Variants in CSMD1 observed in about 807,000 individuals in gnomAD.
The protein encoded by CSMD1 is CUB and Sushi multiple domains 1.
In CSMD1, 213 loss-of-function variants were observed where a neutral mutation model predicts 417.5. That is an observed-to-expected ratio of 0.51 (90% CI 0.46 to 0.57). The LOEUF is 0.57. CSMD1 is among the 20% of genes least tolerant of loss of function. The pLI is 0.00. For missense variants in CSMD1, 6,923 were observed against 4,529.7 expected, an observed-to-expected ratio of 1.53 and a Z score of -15.17; for synonymous variants, 2,862 against 1,736.8, an observed-to-expected ratio of 1.65 and a Z score of -16.11.
intron 5 of CSMD1, among the ~76,000 whole-genome samples, chr8:3,829,145 T>C (rs1802227683): frequency 6.6e-6 from 1 of 152,160 alleles, no homozygotes; most frequent in Non-Finnish European, 1.5e-5. Flanking sequence ...CAGTGTACAC[T>C]GCACTCTATT....
At chr8:3,030,933 G>C (rs1026515387) in intron 50 of CSMD1, among the ~76,000 whole-genome samples, 18 of 151,950 alleles carry the variant, frequency 1.2e-4, no homozygotes, top group Non-Finnish European at 2.6e-4. Context: ...CATCACAACA[G>C]TAACAATGAA....
At chr8:3,131,508 A>G (rs1373879852) in intron 41 of CSMD1, among the ~76,000 whole-genome samples, 1 of 142,948 alleles carries the variant, frequency 7.0e-6, no homozygotes, top group Non-Finnish European at 1.5e-5. Context: ...GTCTCACTCT[A>G]TTGCTCAGGC....
rs531850358 is a variant in CSMD1 at position 4,325,849 on chromosome 8, C to A, written c.415+94104G>T. Among the ~76,000 whole-genome samples, 10 of 152,200 alleles carry A rather than the reference C, an allele frequency of 6.6e-5. No individual in the cohort carries two copies. In the South Asian group the frequency reaches 1.9e-3, roughly 28 times the overall value. On this transcript the variant is annotated intron_variant, in intron 3 of 69. Coordinates refer to ENST00000635120, the MANE Select transcript of CSMD1 (RefSeq NM_033225.6). ...TGTAGATTAACAAAAGCTTATTCCA[C>A]CTGATGGCTGGAATTGAGAGTTCCG... is the stretch of plus-strand genomic sequence containing the variant.
intron 1 of CSMD1, among the ~76,000 whole-genome samples, chr8:4,878,216 G>C (rs1454554714): frequency 6.6e-6 from 1 of 151,952 alleles, no homozygotes. Flanking sequence ...AAAAGATAAG[G>C]TGAGAAAAGA....
intron 3 of CSMD1, among the ~76,000 whole-genome samples, chr8:4,216,077 CTA>C (rs1800650660): frequency 6.6e-6 from 1 of 152,200 alleles, no homozygotes; most frequent in African/African-American, 2.4e-5. Context: ...AGGGAGGTCA[CTA>C]TGCTATTTCT....
chr8:4,047,015 T>A (rs533534142), intron 3 of CSMD1, among the ~76,000 whole-genome samples: 4 of 152,280 alleles, frequency 2.6e-5, no homozygotes, highest in East Asian at 3.9e-4. Context: ...CTTAGCCCTA[T>A]AGGGTTGTGA....
At chr8:4,270,305 A>G (rs185556522) in intron 3 of CSMD1, among the ~76,000 whole-genome samples, 1 of 152,064 alleles carries the variant, frequency 6.6e-6, no homozygotes, top group Non-Finnish European at 1.5e-5. Flanking sequence ...CCCAGTCTTT[A>G]TACTGGTTTT....
chr8:3,738,432 C>G (rs560744591), intron 6 of CSMD1, among the ~76,000 whole-genome samples: 1 of 152,182 alleles, frequency 6.6e-6, no homozygotes, highest in Middle Eastern at 3.2e-3. Flanking sequence ...TTATTTATTT[C>G]AATTTTGGGG....
At chr8:3,490,565 C>T (rs181254631) in intron 11 of CSMD1, among the ~76,000 whole-genome samples, 3 of 152,214 alleles carry the variant, frequency 2.0e-5, no homozygotes, top group South Asian at 4.2e-4. Flanking sequence ...GGAGTGTTTG[C>T]ATGCATTATT....
At chr8:4,055,823 G>C (rs561906217) in intron 3 of CSMD1, among the ~76,000 whole-genome samples, 3 of 151,056 alleles carry the variant, frequency 2.0e-5, no homozygotes, top group African/African-American at 7.4e-5. Flanking sequence ...CAGAAGTGTT[G>C]ATTTTACAGT....
At chr8:4,465,943 A>C (rs1800141097) in intron 2 of CSMD1, among the ~76,000 whole-genome samples, 1 of 152,190 alleles carries the variant, frequency 6.6e-6, no homozygotes, top group African/African-American at 2.4e-5. Flanking sequence ...TAGAGAAATT[A>C]TGTGCTTCCA....
rs138615511 is a variant in CSMD1 at position 3,640,223 on chromosome 8, A to C, written c.1010-23426T>G. On this transcript the variant is annotated intron_variant, in intron 7 of 69. Transcript: ENST00000635120. ...CATGTGGGGAGGCATCAATGTGCTGAGAATTGATTAAATAAATAAATAAAG... is the reference window on the plus strand; with the variant it reads ...CATGTGGGGAGGCATCAATGTGCTGCGAATTGATTAAATAAATAAATAAAG... Among the ~76,000 whole-genome samples the C allele has an allele frequency of 2.5e-3, 378 of 152,342 alleles. 2 individuals carry two copies. Among genetic ancestry groups the C allele is most frequent in the African/African-American group, 8.8e-3 (367 of 41,582 alleles).
intron 1 of CSMD1, among the ~76,000 whole-genome samples, chr8:4,777,232 G>C (rs1796900340): frequency 6.6e-6 from 1 of 152,200 alleles, no homozygotes; most frequent in Admixed American, 6.5e-5. Context: ...CTGAGAAGCA[G>C]AGCATCCTCT....
At chr8:3,936,484 C>T (rs536921365) in intron 5 of CSMD1, among the ~76,000 whole-genome samples, 2 of 152,302 alleles carry the variant, frequency 1.3e-5, no homozygotes, top group East Asian at 1.9e-4. Context: ...CAGTGCTCAT[C>T]TACCATTACA....
At chr8:4,370,049 G>A (rs922501393) in intron 3 of CSMD1, among the ~76,000 whole-genome samples, 2 of 151,838 alleles carry the variant, frequency 1.3e-5, no homozygotes, top group African/African-American at 2.4e-5. Context: ...TGTCAATGAG[G>A]TATGTGCTTC....
intron 5 of CSMD1, among the ~76,000 whole-genome samples, chr8:3,886,593 A>C (rs1806579926): frequency 6.6e-6 from 1 of 152,194 alleles, no homozygotes; most frequent in Non-Finnish European, 1.5e-5. Context: ...TATTTTCCAA[A>C]GTCCCTGGAG....
intron 1 of CSMD1, among the ~76,000 whole-genome samples, chr8:4,817,685 T>G (rs1799285033): frequency 6.6e-6 from 1 of 152,246 alleles, no homozygotes; most frequent in African/African-American, 2.4e-5. Context: ...CAAAAGATAA[T>G]GCTATCACAA....
chr8:4,209,990 G>C (rs1800212662), intron 3 of CSMD1, among the ~76,000 whole-genome samples: 1 of 152,146 alleles, frequency 6.6e-6, no homozygotes, highest in Non-Finnish European at 1.5e-5. Context: ...CTTATGAAAG[G>C]CTGCTTCTGC....
intron 1 of CSMD1, among the ~76,000 whole-genome samples, chr8:4,896,919 T>C (rs1804530446): frequency 6.6e-6 from 1 of 152,094 alleles, no homozygotes; most frequent in East Asian, 1.9e-4. Context: ...TTATTCTTCC[T>C]ACCCGCCTGT....
Sources: gnomAD v4.1 joint callset for allele counts (sites outside exome capture counted in the v4.1 genomes callset) on GRCh38, gnomAD v4.1.1 for gene constraint, MANE v1.5 for transcripts, NCBI Gene and HGNC (gene_info 2026-07-23, HGNC 2026-07-21) for gene names.